Variants in NPRL3 observed in about 807,000 individuals in gnomAD.
The protein encoded by NPRL3 is NPR3 like, GATOR1 complex subunit.
NPRL3 carries 23 observed loss-of-function variants against 57.2 expected under a neutral mutation model. That is an observed-to-expected ratio of 0.40 (90% CI 0.29 to 0.57). The LOEUF (loss-of-function observed/expected upper bound fraction) is 0.57. NPRL3 is among the 20% of genes least tolerant of loss of function. NPRL3 has a pLI of 0.42. For missense variants in NPRL3, 691 were observed against 767.1 expected, an observed-to-expected ratio of 0.90 and a Z score of 1.17; for synonymous variants, 333 against 321.1, an observed-to-expected ratio of 1.04 and a Z score of -0.39.
chr16:112,520 T>G, intron 6 of NPRL3, 102 bp downstream of exon 6: 1 of 1,192,944 alleles, frequency 8.4e-7, no homozygotes, highest in Non-Finnish European at 1.1e-6. Flanking sequence ...CGCCAACATC[T>G]GTATCATTAA....
At chr16:118,185 T>C (rs1236967329) in intron 4 of NPRL3, among the ~76,000 whole-genome samples, 2 of 152,176 alleles carry the variant, frequency 1.3e-5, no homozygotes, top group Non-Finnish European at 2.9e-5. Context: ...CTCCCAGAAT[T>C]GCTGGATCTG....
At position 95,344 on chromosome 16, in the gene NPRL3, TATATATACACAC is replaced by T. The variant is rs1294892660; in HGVS notation, c.925-2031_925-2020del. Among the ~76,000 whole-genome samples, 352 of 59,330 alleles carry T rather than the reference TATATATACACAC, an allele frequency of 5.9e-3. 3 individuals carry two copies. The highest frequency in any genetic ancestry group is 0.013 in the African/African-American group (325 of 24,846). 38.9% of individuals were successfully genotyped at this position (59,330 alleles called of 152,430 possible). On this transcript the variant is annotated intron_variant, in intron 9 of 13. Coordinates refer to ENST00000611875, the MANE Select transcript of NPRL3 (RefSeq NM_001077350.3). Reference sequence around the variant, plus strand: ...GTGTGTGTATATATATATATATATATATATATACACACACACACACACACACACACACACACA... The same window carrying T: ...GTGTGTGTATATATATATATATATATACACACACACACACACACACACACA...
Position 89,767 on chromosome 16 carries a change from G to C in NPRL3, c.1297C>G (p.Arg433Gly). 6.3e-7 allele frequency: 1 copy of C among 1,599,152 alleles called. No individual in the cohort carries two copies. Among genetic ancestry groups the C allele is most frequent in the Non-Finnish European group, 8.5e-7 (1 of 1,174,632 alleles). The part of the protein sequence containing the change: ...PREDDVPFTA[R>G]VGGRSLSTPN... ...GTGCTGAGGCTGCGACCGCCGACCC[G>C]GGCAGTGAAGGGGACGTCGTCCTCT... Residue 433 changes from arginine to glycine, a missense_variant, in exon 12 of 14, where the codon CGG becomes GGG. Physicochemically the swap from Arg to Gly is moderately radical, Grantham distance 125 (BLOSUM62 -2). Transcript: ENST00000611875.
At position 89,758 on chromosome 16, in the gene NPRL3, C is replaced by T. The variant is rs548390527; in HGVS notation, c.1306G>A (p.Gly436Ser). 18 of 1,596,518 alleles carry T rather than the reference C, an allele frequency of 1.1e-5. No homozygotes were observed. Among genetic ancestry groups the T allele is most frequent in the Middle Eastern group, 3.4e-4 (2 of 5,890 alleles). Residue 436 changes from glycine to serine, a missense_variant, in exon 12 of 14, where the codon GGT (glycine) becomes AGT (serine). Gly to Ser is a moderately conservative substitution (Grantham distance 56). Coordinates refer to ENST00000611875, the MANE Select transcript of NPRL3 (RefSeq NM_001077350.3). Reference sequence around the variant, plus strand: ...GCGTTGGGCGTGCTGAGGCTGCGACCGCCGACCCGGGCAGTGAAGGGGACG... The same window carrying T: ...GCGTTGGGCGTGCTGAGGCTGCGACTGCCGACCCGGGCAGTGAAGGGGACG... ...DDVPFTARVG[G>S]RSLSTPNALS...
chr16:86,919 G>C (rs1304232000), intron 13 of NPRL3, 49 bp from the exon 14 acceptor site: 1 of 1,567,658 alleles, frequency 6.4e-7, no homozygotes, highest in Non-Finnish European at 8.7e-7. Context: ...AGCCCCCAGA[G>C]GCCTCTGCTG....
chr16:107,279 A>C (rs1438136874), intron 7 of NPRL3, among the ~76,000 whole-genome samples: 1 of 152,188 alleles, frequency 6.6e-6, no homozygotes, highest in Non-Finnish European at 1.5e-5. Context: ...AGGCAGTCCA[A>C]GGTTTTGTCT....
At position 130,508 on chromosome 16, in the gene NPRL3, C is replaced by A. The variant is rs368999536; in HGVS notation, c.188+14G>T. The A allele has an allele frequency of 3.2e-6, 5 of 1,548,932 alleles. No homozygotes were observed. The South Asian group carries it at 5.9e-5, about 18-fold the overall frequency. On this transcript the variant is annotated intron_variant, in intron 3 of 13. Coordinates refer to ENST00000611875, the MANE Select transcript of NPRL3 (RefSeq NM_001077350.3). ...AGGACACGCCCCGCCCTGAAGTGGCCGCAGAGCCTTTACCTGGAATCGCCG... is the reference window on the plus strand; with the variant it reads ...AGGACACGCCCCGCCCTGAAGTGGCAGCAGAGCCTTTACCTGGAATCGCCG...
At position 110,488 on chromosome 16, in the gene NPRL3, T is replaced by G. The variant is rs1173247937; in HGVS notation, c.629+37A>C. 4 of 1,562,436 alleles carry G rather than the reference T, an allele frequency of 2.6e-6. No homozygotes were observed. The African/African-American group carries it at 4.1e-5, about 16-fold the overall frequency. On this transcript the variant is annotated intron_variant, in intron 7 of 13. Coordinates refer to ENST00000611875, the MANE Select transcript of NPRL3 (RefSeq NM_001077350.3). ...CCTCAGGCCCAGGCAGGCTGGCCCA[T>G]AAGAAGGAGGTTAATAAGCACACCC...
chr16:120,444 A>C (rs138001534), intron 3 of NPRL3, among the ~76,000 whole-genome samples: 1 of 152,180 alleles, frequency 6.6e-6, no homozygotes. Flanking sequence ...CCTGCTTTGA[A>C]CTGCACTGTA....
Position 129,053 on chromosome 16 carries a change from T to A in NPRL3, c.188+1469A>T, listed in dbSNP as rs1596538505. Reference sequence around the variant, plus strand: ...AGCATGCCCCTCCCACAGTTTTACCTCTTCATTACGTTAAATATTAAATTA... The same window carrying A: ...AGCATGCCCCTCCCACAGTTTTACCACTTCATTACGTTAAATATTAAATTA... On this transcript the variant is annotated intron_variant, in intron 3 of 13. Coordinates refer to ENST00000611875, the MANE Select transcript of NPRL3 (RefSeq NM_001077350.3). Among the ~76,000 whole-genome samples, 3 of 152,344 alleles carry A rather than the reference T, an allele frequency of 2.0e-5. No individual in the cohort carries two copies. In the East Asian group the frequency reaches 5.8e-4, roughly 29 times the overall value.
At chr16:101,264 C>T (rs78360966) in intron 7 of NPRL3, among the ~76,000 whole-genome samples, 8,984 of 152,156 alleles carry the variant, frequency 0.059, 348 homozygotes, top group Non-Finnish European at 0.078. Flanking sequence ...TCTCAGAGGG[C>T]GAGGAGGGCA....
At chr16:116,242 A>C (rs975374491) in intron 5 of NPRL3, among the ~76,000 whole-genome samples, 7 of 152,182 alleles carry the variant, frequency 4.6e-5, no homozygotes, top group African/African-American at 1.7e-4. Context: ...GCGTTTCATC[A>C]ACTGTCCCAC....
intron 9 of NPRL3, among the ~76,000 whole-genome samples, chr16:97,186 T>C (rs1476094639): frequency 6.6e-6 from 1 of 151,542 alleles, no homozygotes; most frequent in African/African-American, 2.4e-5. Flanking sequence ...CCCACATGAC[T>C]AGCAGCCACA....
chr16:119,487 C>CA (rs999157953), intron 3 of NPRL3: 21 of 550,888 alleles, frequency 3.8e-5, no homozygotes, highest in African/African-American at 3.6e-4. Flanking sequence ...AGACTGAAGG[C>CA]ACATGCTGTC....
At chr16:128,751 G>A (rs1284682298) in intron 3 of NPRL3, among the ~76,000 whole-genome samples, 2 of 152,072 alleles carry the variant, frequency 1.3e-5, no homozygotes, top group African/African-American at 2.4e-5. Context: ...CTGGGTGACA[G>A]AGCGAGACTC....
At chr16:88,021 G>A (rs1037363226) in intron 13 of NPRL3, among the ~76,000 whole-genome samples, 1 of 152,136 alleles carries the variant, frequency 6.6e-6, no homozygotes, top group Non-Finnish European at 1.5e-5. Flanking sequence ...CTCGAGGGCC[G>A]AGTGTGGTTC....
In NPRL3 at chr16:85,511, G is replaced by C. The variant is rs1486526621; in HGVS notation, c.*1194C>G. ...AGGCACCGCCAGCCGTGTCCTCAAG[G>C]ACCGCGAGCTCTGCAGTGGCCCCTC... On this transcript the variant is annotated 3_prime_UTR_variant, in exon 14 of 14. Coordinates refer to ENST00000611875, the MANE Select transcript of NPRL3 (RefSeq NM_001077350.3). The C allele has an allele frequency of 6.2e-7, 1 of 1,613,390 alleles. No individual in the cohort carries two copies. The highest frequency in any genetic ancestry group is 1.1e-5 in the South Asian group (1 of 91,082).
intron 8 of NPRL3, 125 bp downstream of exon 8, chr16:100,247 T>G (rs1899218641): frequency 1.9e-6 from 2 of 1,055,220 alleles, no homozygotes; most frequent in Non-Finnish European, 1.3e-6. Flanking sequence ...GAGCCCCACC[T>G]GCAAGCTTCC....
intron 2 of NPRL3, among the ~76,000 whole-genome samples, chr16:134,691 ATTATTTTT>A (rs1261150828): frequency 6.4e-5 from 7 of 108,552 alleles, no homozygotes; most frequent in Admixed American, 4.8e-4. Flanking sequence ...AGTAATTATT[ATTATTTTT>A]TTTTTTTTTT....
Sources: allele counts gnomAD v4.1 joint callset (sites outside exome capture counted in the v4.1 genomes callset), GRCh38; gene constraint gnomAD v4.1.1; transcripts MANE v1.5; gene names NCBI Gene and HGNC (gene_info 2026-07-23, HGNC 2026-07-21).